ZWILCH: variants seen among roughly 807,000 people sequenced by gnomAD.
ZWILCH encodes protein zwilch homolog.
A neutral mutation model predicts 79.9 loss-of-function variants in ZWILCH; 74 were observed. The observed-to-expected ratio is 0.93, with a 90% CI of 0.77 to 1.12. The LOEUF is 1.12. Among genes scored for constraint, ZWILCH ranks in the 50% most tolerant of loss-of-function variants. The pLI, the probability that ZWILCH is intolerant of heterozygous loss-of-function variation, is 0.00. For synonymous variants in ZWILCH, 241 were observed against 228.2 expected (o/e 1.06, Z -0.51); for missense variants, 694 against 687.5 (o/e 1.01, Z -0.11).
intron 1 of ZWILCH, 160 bp downstream of exon 1, chr15:66,505,551 G>A (rs1190730170): frequency 1.6e-5 from 12 of 770,902 alleles, no homozygotes; most frequent in Non-Finnish European, 4.2e-6. Context: ...CGGCTCCGGT[G>A]TGGGGTTGAC....
At chr15:66,543,030 C>CCCA (rs778650585) in intron 17 of ZWILCH, among the ~76,000 whole-genome samples, 22 of 152,048 alleles carry the variant, frequency 1.4e-4, no homozygotes, top group South Asian at 4.2e-4. Context: ...GGAGGTAGTA[C>CCCA]CCATCAAAAT....
intron 10 of ZWILCH, 31 bp downstream of exon 10, chr15:66,527,943 A>T: frequency 6.5e-7 from 1 of 1,550,200 alleles, no homozygotes; most frequent in Non-Finnish European, 8.7e-7. Flanking sequence ...AGAAATATAC[A>T]CAGAAATAGC....
At chr15:66,509,499 A>G (rs549470056) in intron 2 of ZWILCH, among the ~76,000 whole-genome samples, 11 of 152,290 alleles carry the variant, frequency 7.2e-5, no homozygotes, top group African/African-American at 2.2e-4. Flanking sequence ...GTGAGTATCA[A>G]CAATTCATTC....
chr15:66,523,988 T>A (rs925785250), intron 8 of ZWILCH, among the ~76,000 whole-genome samples: 8 of 152,182 alleles, frequency 5.3e-5, no homozygotes, highest in Admixed American at 1.3e-4. Flanking sequence ...TTTATTTTTT[T>A]AATTAATTTA....
intron 7 of ZWILCH, among the ~76,000 whole-genome samples, chr15:66,522,256 G>A (rs925525388): frequency 2.0e-5 from 3 of 151,118 alleles, no homozygotes; most frequent in East Asian, 3.9e-4. Context: ...TCAGTGCAGC[G>A]ATATAACTGT....
chr15:66,515,666 G>T, intron 4 of ZWILCH, 22 bp downstream of exon 4: 1 of 1,497,376 alleles, frequency 6.7e-7, no homozygotes, highest in Non-Finnish European at 9.3e-7. Flanking sequence ...CTTATGCTGA[G>T]TAGGGGTGGC....
chr15:66,542,321 C>T (rs1895216563), intron 17 of ZWILCH, among the ~76,000 whole-genome samples: 1 of 152,150 alleles, frequency 6.6e-6, no homozygotes, highest in East Asian at 1.9e-4. Context: ...CGCGGGGGCT[C>T]ACACCTGTAA....
At chr15:66,512,526 A>G (rs1014299560) in intron 2 of ZWILCH, among the ~76,000 whole-genome samples, 6 of 152,038 alleles carry the variant, frequency 3.9e-5, no homozygotes, top group African/African-American at 1.4e-4. Flanking sequence ...AGCCGGGATT[A>G]CAGGTGCCAA....
intron 17 of ZWILCH, among the ~76,000 whole-genome samples, chr15:66,543,923 TA>T (rs1567053916): frequency 6.6e-6 from 1 of 152,208 alleles, no homozygotes; most frequent in African/African-American, 2.4e-5. Flanking sequence ...TATTGTTTTT[TA>T]AAGAAGAAAC....
intron 17 of ZWILCH, among the ~76,000 whole-genome samples, chr15:66,543,621 G>A (rs1323595021): frequency 1.3e-5 from 2 of 152,152 alleles, no homozygotes; most frequent in Non-Finnish European, 2.9e-5. Context: ...GCTGCGTGTG[G>A]TGGCATATGC....
chr15:66,505,727 C>T, intron 1 of ZWILCH: 2 of 362,824 alleles, frequency 5.5e-6, no homozygotes, highest in Non-Finnish European at 1.0e-5. Flanking sequence ...CATCCTTCCC[C>T]TGTTTAAAGC....
Position 66,532,466 on chromosome 15 carries a change from C to T in ZWILCH, c.1312+63C>T, listed in dbSNP as rs1034375006. The T allele has an allele frequency of 2.1e-6, 3 of 1,438,968 alleles. No individual in the cohort carries two copies. In the Admixed American group the frequency reaches 6.8e-5, roughly 33 times the overall value. The allele number at this position is 1,438,968 out of a possible 1,614,324, so 89.1% of individuals were successfully genotyped here. ...ATCACAGTTATCAGTCACAGATATT[C>T]TCGGATTTTCTGTTTCTGCTTGTCC... On this transcript the variant is annotated intron_variant, in intron 13 of 18. Transcript: ENST00000307897.
intron 7 of ZWILCH, 102 bp from the exon 8 acceptor site, chr15:66,523,575 A>AT (rs1339762488): frequency 1.4e-6 from 1 of 701,228 alleles, no homozygotes; most frequent in East Asian, 2.5e-5. Flanking sequence ...TATGAAATAT[A>AT]TTTTTTAATG....
At chr15:66,532,507 C>A in intron 13 of ZWILCH, 104 bp downstream of exon 13, 1 of 1,024,268 alleles carries the variant, frequency 9.8e-7, no homozygotes, top group Non-Finnish European at 1.4e-6. Context: ...CGTCTGTAGT[C>A]CTTCCTGGCT....
At chr15:66,535,779 G>A (rs569574684) in intron 14 of ZWILCH, among the ~76,000 whole-genome samples, 154 bp from the exon 15 acceptor site, 1 of 150,650 alleles carries the variant, frequency 6.6e-6, no homozygotes, top group Non-Finnish European at 1.5e-5. Flanking sequence ...AGTATTGAAA[G>A]GTGAGAAATT....
At chr15:66,526,619 C>G (rs112234482) in intron 8 of ZWILCH, among the ~76,000 whole-genome samples, 1,960 of 152,078 alleles carry the variant, frequency 0.013, 35 homozygotes, top group African/African-American at 0.044. Context: ...GCCACCATGC[C>G]CAGCTGATTT....
At chr15:66,517,939 G>A (rs1489939412) in intron 4 of ZWILCH, among the ~76,000 whole-genome samples, 1 of 151,532 alleles carries the variant, frequency 6.6e-6, no homozygotes, top group Non-Finnish European at 1.5e-5. Context: ...CACCATGTTG[G>A]TCAGGCTGGT....
chr15:66,531,893 C>A (rs1179585561), intron 12 of ZWILCH, among the ~76,000 whole-genome samples: 1 of 151,692 alleles, frequency 6.6e-6, no homozygotes, highest in African/African-American at 2.4e-5. Context: ...ATGGTGAAAC[C>A]CCATCTCTAC....
intron 17 of ZWILCH, among the ~76,000 whole-genome samples, chr15:66,544,724 T>TTGTGTGTGTGTGTGTG (rs1555426547): frequency 0.036 from 4,640 of 128,480 alleles, 137 homozygotes; most frequent in Admixed American, 0.058. Flanking sequence ...TTTTTGGTTT[T>TTGTGTGTGTGTGTGTG]TGTGTGTGTG....
Sources: allele counts gnomAD v4.1 joint callset (sites outside exome capture counted in the v4.1 genomes callset), GRCh38; gene constraint gnomAD v4.1.1; transcripts MANE v1.5; gene names NCBI Gene and HGNC (gene_info 2026-07-23, HGNC 2026-07-21).